Variants in ZYG11B observed in about 807,000 individuals in gnomAD.
ZYG11B encodes the protein protein zyg-11 homolog B.
ZYG11B carries 36 observed loss-of-function variants against 82.4 expected under a neutral mutation model. The observed-to-expected ratio is 0.44, with a 90% confidence interval of 0.33 to 0.58. The LOEUF (loss-of-function observed/expected upper bound fraction) is 0.58, where lower values mean the gene tolerates loss of function less well. Among genes scored for constraint, ZYG11B ranks in the 20% least tolerant of loss-of-function variants. ZYG11B has a pLI of 0.02. For synonymous variants in ZYG11B, 303 were observed against 312.8 expected (o/e 0.97, Z 0.33); for missense variants, 552 against 895.6 (o/e 0.62, Z 4.90).
intron 1 of ZYG11B, among the ~76,000 whole-genome samples, chr1:52,755,306 A>G (rs976611259): frequency 3.3e-5 from 5 of 152,010 alleles, no homozygotes; most frequent in African/African-American, 9.7e-5. Flanking sequence ...GTCAATATCA[A>G]TTGACCACGA....
chr1:52,802,258 C>T lies in ZYG11B; in HGVS notation c.1695+119C>T, dbSNP rs1169168986. On this transcript the variant is annotated intron_variant, in intron 10 of 13. Transcript: ENST00000294353. ...CATAGCCCCTTATCTAAGGCACGGT[C>T]ATTGCTAATTGAGAACTATTCCCAA... 6.1e-5 allele frequency: 49 copies of T among 804,226 alleles called. No homozygotes were observed. In the East Asian group the frequency reaches 1.4e-3, roughly 23 times the overall value. The allele number at this position is 804,226 out of a possible 1,614,324, so 49.8% of individuals were successfully genotyped here. A position where few individuals can be genotyped will look rare whatever the true frequency, so the allele number is the denominator to read the frequency against.
chr1:52,730,638 T>C (rs1246958881), intron 1 of ZYG11B, among the ~76,000 whole-genome samples: 5 of 152,094 alleles, frequency 3.3e-5, no homozygotes, highest in African/African-American at 1.2e-4. Flanking sequence ...CTTCATACAG[T>C]AATTTTAAAT....
intron 1 of ZYG11B, among the ~76,000 whole-genome samples, chr1:52,747,529 ATG>A (rs1392591815): frequency 6.6e-6 from 1 of 152,152 alleles, no homozygotes; most frequent in African/African-American, 2.4e-5. Context: ...TTTCTACAGT[ATG>A]TGACACTGGG....
rs74185908 is a variant in ZYG11B, at chr1:52,783,805, T to TATATACACACACAC, written c.1093-1071_1093-1070insTATACACACACACA. On this transcript the variant is annotated intron_variant, in intron 4 of 13. Transcript: ENST00000294353. The stretch of plus-strand genomic sequence containing the variant: ...GCCCAGCTTTATATATATATATATA[T>TATATACACACACAC]ACACACACACGTATATGTATACATA... 5.5e-4 allele frequency among the ~76,000 whole-genome samples: 74 copies of TATATACACACACAC among 135,016 alleles called. 1 individual carries two copies. Among genetic ancestry groups the TATATACACACACAC allele is most frequent in the African/African-American group, 1.7e-3 (59 of 35,190 alleles). 88.6% of individuals were successfully genotyped at this position (135,016 alleles called of 152,430 possible). A position where few individuals can be genotyped will look rare whatever the true frequency, so the allele number is the denominator to read the frequency against.
At chr1:52,818,467 C>T (rs141409848) in intron 13 of ZYG11B, among the ~76,000 whole-genome samples, 11 of 151,118 alleles carry the variant, frequency 7.3e-5, no homozygotes, top group Non-Finnish European at 1.6e-4. Context: ...GAGTGAGACT[C>T]TGTCTCAAAA....
At chr1:52,792,226 G>GATGA (rs567888897) in intron 6 of ZYG11B, among the ~76,000 whole-genome samples, 193 of 152,178 alleles carry the variant, frequency 1.3e-3, no homozygotes, top group Admixed American at 2.8e-3. Context: ...TTGATTGATG[G>GATGA]ATGAATGAAT....
intron 8 of ZYG11B, among the ~76,000 whole-genome samples, chr1:52,799,143 A>G (rs1645052985): frequency 6.6e-6 from 1 of 152,078 alleles, no homozygotes; most frequent in South Asian, 2.1e-4. Flanking sequence ...AAAAATAGCT[A>G]TGTAGATATG....
In ZYG11B at chr1:52,821,873, C is replaced by G. The variant is rs1216410670; in HGVS notation, c.*244C>G. On this transcript the variant is annotated 3_prime_UTR_variant, in exon 14 of 14. Transcript: ENST00000294353. Reference sequence around the variant, plus strand: ...CTTTTAGGAAATTTTCCACATCTTTCAGTGTTTGAACTTACTTGTGCTTGA... The same window carrying G: ...CTTTTAGGAAATTTTCCACATCTTTGAGTGTTTGAACTTACTTGTGCTTGA... 8.2e-6 allele frequency: 3 copies of G among 364,450 alleles called. No individual in the cohort carries two copies. The highest frequency in any genetic ancestry group is 4.3e-5 in the Admixed American group (1 of 22,990). 22.6% of individuals were successfully genotyped at this position (364,450 alleles called of 1,614,324 possible). A position where few individuals can be genotyped will look rare whatever the true frequency, so the allele number is the denominator to read the frequency against.
chr1:52,770,982 T>A (rs1644745547), intron 2 of ZYG11B, 38 bp from the exon 3 acceptor site: 5 of 1,566,498 alleles, frequency 3.2e-6, no homozygotes, highest in Non-Finnish European at 4.3e-6. Flanking sequence ...ATTCTTTAAC[T>A]GTTTTTTGAA....
chr1:52,796,968 A>ATTATATAT (rs1491205767), intron 8 of ZYG11B, among the ~76,000 whole-genome samples, 184 bp downstream of exon 8: 2 of 84,126 alleles, frequency 2.4e-5, no homozygotes, highest in African/African-American at 1.2e-4. Context: ...ATTATATATA[A>ATTATATAT]TATATATAAA....
Position 52,771,054 on chromosome 1 carries a change from G to A in ZYG11B, c.231G>A (p.Arg77=). 3 of 1,613,416 alleles carry A rather than the reference G, an allele frequency of 1.9e-6. No individual in the cohort carries two copies. In the South Asian group the frequency reaches 3.3e-5, roughly 18 times the overall value. Residue 77 remains arginine (R), a synonymous_variant, in exon 3 of 14, where the codon AGG becomes AGA. Coordinates refer to ENST00000294353, the MANE Select transcript of ZYG11B (RefSeq NM_024646.3). This position sits in a 1 kb window ranked among gnomAD's most constrained non-coding sequence, Gnocchi z 5.4. ...LLNDGTVGIF[R]GNQMRLKRAC... is the part of the protein sequence containing the mutation. ...ATGATGGAACTGTGGGTATTTTTAG[G>A]GGCAACCAGATGCGCTTAAAGCGAG...
At chr1:52,735,315 C>G (rs1294730233) in intron 1 of ZYG11B, among the ~76,000 whole-genome samples, 1 of 152,182 alleles carries the variant, frequency 6.6e-6, no homozygotes, top group Non-Finnish European at 1.5e-5. Flanking sequence ...AGGCATGAGC[C>G]ACCGTGCCCG....
chr1:52,770,452 G>A (rs917694168), intron 2 of ZYG11B, among the ~76,000 whole-genome samples: 2 of 152,094 alleles, frequency 1.3e-5, no homozygotes, highest in African/African-American at 4.8e-5. Flanking sequence ...AAATGTATTG[G>A]TAACAAATCA....
rs1378275365 is a variant in ZYG11B, at chr1:52,762,985, G to GA, written c.196+6362_196+6363insA. On this transcript the variant is annotated intron_variant, in intron 2 of 13. Coordinates refer to ENST00000294353, the MANE Select transcript of ZYG11B (RefSeq NM_024646.3). ...TGTAAAGGTGAGAGATTGGGGGGGG[G>GA]GGGTCTAGTTTCATTCTTTTGTCTG... Among the ~76,000 whole-genome samples, 17 of 138,628 alleles carry GA rather than the reference G, an allele frequency of 1.2e-4. 1 individual carries two copies. Among genetic ancestry groups the GA allele is most frequent in the African/African-American group, 4.4e-4 (17 of 38,936 alleles). 90.9% of individuals were successfully genotyped at this position (138,628 alleles called of 152,430 possible). A position where few individuals can be genotyped will look rare whatever the true frequency, so the allele number is the denominator to read the frequency against.
At chr1:52,803,115 TATAC>T (rs1306456859) in intron 10 of ZYG11B, among the ~76,000 whole-genome samples, 1,997 of 58,170 alleles carry the variant, frequency 0.034, 158 homozygotes, top group African/African-American at 0.053. Context: ...TATATATATA[TATAC>T]ACACATATAT....
At chr1:52,806,958 T>C (rs2149962529) in intron 10 of ZYG11B, among the ~76,000 whole-genome samples, 1 of 152,068 alleles carries the variant, frequency 6.6e-6, no homozygotes, top group East Asian at 1.9e-4. Flanking sequence ...AACCTCCACC[T>C]CCCGGGTTCA....
chr1:52,790,747 G>A (rs1285423432), intron 6 of ZYG11B, among the ~76,000 whole-genome samples: 1 of 135,340 alleles, frequency 7.4e-6, no homozygotes. Flanking sequence ...AAAAGACATA[G>A]GTCTTCTAAT....
At chr1:52,741,192 A>G (rs1644426651) in intron 1 of ZYG11B, among the ~76,000 whole-genome samples, 1 of 149,730 alleles carries the variant, frequency 6.7e-6, no homozygotes, top group South Asian at 2.2e-4. Context: ...CAGCTACTCG[A>G]GAGGCTAAGG....
chr1:52,770,510 G>C (rs183846002), intron 2 of ZYG11B, among the ~76,000 whole-genome samples: 1 of 152,270 alleles, frequency 6.6e-6, no homozygotes, highest in Non-Finnish European at 1.5e-5. Flanking sequence ...CATAAACTCT[G>C]CAAGTCCATA....
Sources: gnomAD v4.1 joint callset for allele counts (sites outside exome capture counted in the v4.1 genomes callset) on GRCh38, gnomAD v4.1.1 for gene constraint, Gnocchi (gnomAD v3.1) non-coding constraint, MANE v1.5 for transcripts, NCBI Gene and HGNC (gene_info 2026-07-23, HGNC 2026-07-21) for gene names.